Variants in AGAP1 observed in about 807,000 individuals in gnomAD.
The protein encoded by AGAP1 is arf-GAP with GTPase, ANK repeat and PH domain-containing protein 1.
A neutral mutation model predicts 105.3 loss-of-function variants in AGAP1; 29 were observed. The ratio of observed to expected loss-of-function variants is 0.28; its 90% confidence interval spans 0.21 to 0.38. The LOEUF (loss-of-function observed/expected upper bound fraction) is 0.38. Among genes scored for constraint, AGAP1 ranks in the 10% least tolerant of loss-of-function variants. The pLI is 1.00. For synonymous variants in AGAP1, 509 were observed against 485.9 expected (o/e 1.05, Z -0.63); for missense variants, 998 against 1,165.1 (o/e 0.86, Z 2.09).
Position 236,126,545 on chromosome 2 carries a change from T to G in AGAP1, c.*2423T>G, listed in dbSNP as rs889473610. 2 of 152,174 alleles carry G rather than the reference T, an allele frequency of 1.3e-5. No individual in the cohort carries two copies. The highest frequency in any genetic ancestry group is 2.9e-5 in the Non-Finnish European group (2 of 68,032). 9.4% of individuals were successfully genotyped at this position (152,174 alleles called of 1,614,324 possible). On this transcript the variant is annotated 3_prime_UTR_variant, in exon 18 of 18. Coordinates refer to ENST00000304032, the MANE Select transcript of AGAP1 (RefSeq NM_001037131.3). Reference sequence around the variant, plus strand: ...TATTCTATGTGTTTATAATATAATATTTTCCCAAATGACTTCTTGTTTCAC... The same window carrying G: ...TATTCTATGTGTTTATAATATAATAGTTTCCCAAATGACTTCTTGTTTCAC...
At chr2:235,892,152 CAAA>C (rs76856873) in intron 10 of AGAP1, among the ~76,000 whole-genome samples, 1 of 136,454 alleles carries the variant, frequency 7.3e-6, no homozygotes, top group Admixed American at 7.4e-5. Flanking sequence ...ACTCCCATCT[CAAA>C]AAAAAAAAAA....
rs71064869 is a variant in AGAP1 at position 235,682,797 on chromosome 2, C to CGT, written c.164-26361_164-26360dup. Among the ~76,000 whole-genome samples the CGT allele has an allele frequency of 9.1e-3, 1,364 of 149,500 alleles. 8 individuals carry two copies. Among genetic ancestry groups the CGT allele is most frequent in the Middle Eastern group, 0.014 (4 of 290 alleles). On this transcript the variant is annotated intron_variant, in intron 1 of 17. Transcript: ENST00000304032. ...AACTCGATGTGTGGGTGTGTGCACA[C>CGT]GTGTGTGTGTGTGTGTGTGTGTTTT... is the stretch of plus-strand genomic sequence containing the variant.
At chr2:235,671,185 G>C in intron 1 of AGAP1, 9 of 1,065,646 alleles carry the variant, frequency 8.4e-6, no homozygotes, top group Non-Finnish European at 1.1e-5. Context: ...ATGCGAACTC[G>C]GGTACTGCGG....
At chr2:235,911,766 C>T (rs1185329050) in intron 11 of AGAP1, among the ~76,000 whole-genome samples, 1 of 152,176 alleles carries the variant, frequency 6.6e-6, no homozygotes, top group African/African-American at 2.4e-5. Context: ...GATTGAAATC[C>T]CTTTTCCATG....
Position 235,751,862 on chromosome 2 carries a change from G to A in AGAP1, c.673+1374G>A, listed in dbSNP as rs577172173. 6.6e-6 allele frequency among the ~76,000 whole-genome samples: 1 copy of A among 152,162 alleles called. No individual in the cohort carries two copies. The highest frequency in any genetic ancestry group is 1.5e-5 in the Non-Finnish European group (1 of 68,030). ...GTCCCCTGAGGATCAGCACAAAGTC[G>A]CTGGGGTCCCACAGCCCCTTCTTCC... On this transcript the variant is annotated intron_variant, in intron 6 of 17. Coordinates refer to ENST00000304032, the MANE Select transcript of AGAP1 (RefSeq NM_001037131.3). This position sits in a 1 kb window ranked among gnomAD's most constrained non-coding sequence, Gnocchi z 5.3.
At chr2:235,588,516 A>G (rs1945209610) in intron 1 of AGAP1, among the ~76,000 whole-genome samples, 1 of 152,028 alleles carries the variant, frequency 6.6e-6, no homozygotes, top group Non-Finnish European at 1.5e-5. Flanking sequence ...GGCCTCTCAC[A>G]CTTAACCCCT....
At chr2:235,694,595 C>T (rs1949909127) in intron 1 of AGAP1, among the ~76,000 whole-genome samples, 1 of 151,946 alleles carries the variant, frequency 6.6e-6, no homozygotes, top group African/African-American at 2.4e-5. Context: ...TTGCAGTCAG[C>T]CGAGATCGCG....
intron 8 of AGAP1, among the ~76,000 whole-genome samples, chr2:235,803,839 G>A (rs1046390362): frequency 6.6e-6 from 1 of 151,944 alleles, no homozygotes; most frequent in African/African-American, 2.4e-5. Flanking sequence ...ATCAAACACT[G>A]AGTTATATTT....
At chr2:235,641,794 G>T (rs971788864) in intron 1 of AGAP1, among the ~76,000 whole-genome samples, 2 of 152,234 alleles carry the variant, frequency 1.3e-5, no homozygotes, top group African/African-American at 4.8e-5. Context: ...CACATTACCT[G>T]ATTCAGTATT....
In AGAP1 at chr2:235,824,805, G is replaced by A. The variant is rs564621346; in HGVS notation, c.1050+17474G>A. On this transcript the variant is annotated intron_variant, in intron 9 of 17. Transcript: ENST00000304032. This position sits in a 1 kb window ranked among gnomAD's most constrained non-coding sequence, Gnocchi z 5.2. ...CTAAAACACAACTGTGTTTTTCTCA[G>A]GCATATTGTTGTTTTATGTATACCC... 6.6e-6 allele frequency among the ~76,000 whole-genome samples: 1 copy of A among 152,234 alleles called. No individual in the cohort carries two copies. Among genetic ancestry groups the A allele is most frequent in the Non-Finnish European group, 1.5e-5 (1 of 68,024 alleles).
At chr2:235,634,035 T>G (rs1349634014) in intron 1 of AGAP1, among the ~76,000 whole-genome samples, 1 of 152,122 alleles carries the variant, frequency 6.6e-6, no homozygotes, top group East Asian at 1.9e-4. Flanking sequence ...GCCGCAGAGT[T>G]GCAGCCTGGT....
chr2:235,703,391 C>T (rs898553315), intron 1 of AGAP1, among the ~76,000 whole-genome samples: 7 of 152,062 alleles, frequency 4.6e-5, no homozygotes, highest in South Asian at 2.1e-4. Flanking sequence ...ACCTGGGCAA[C>T]GGGACATCAA....
At chr2:235,735,703 T>C (rs1469149236) in intron 3 of AGAP1, among the ~76,000 whole-genome samples, 2 of 152,186 alleles carry the variant, frequency 1.3e-5, no homozygotes, top group Non-Finnish European at 2.9e-5. Flanking sequence ...CTTTTCTCTC[T>C]GCAGTGTGGG....
intron 1 of AGAP1, among the ~76,000 whole-genome samples, chr2:235,624,558 A>G (rs1453484394): frequency 6.6e-6 from 1 of 152,102 alleles, no homozygotes; most frequent in African/African-American, 2.4e-5. Context: ...TTACTTAAAT[A>G]TTGCTTTTTC....
intron 9 of AGAP1, among the ~76,000 whole-genome samples, chr2:235,814,510 C>T (rs935028732): frequency 1.3e-5 from 2 of 152,198 alleles, no homozygotes; most frequent in Non-Finnish European, 2.9e-5. Flanking sequence ...CAATTGTTCA[C>T]TGGTCCTTGT....
chr2:236,007,465 C>T (rs908880143), intron 13 of AGAP1, among the ~76,000 whole-genome samples: 5 of 152,130 alleles, frequency 3.3e-5, no homozygotes, highest in Non-Finnish European at 5.9e-5. Flanking sequence ...GGCTGGTGGT[C>T]CAGCGATCAC....
In AGAP1 at chr2:235,893,655, A is replaced by T. The variant is rs1479381478; in HGVS notation, c.1155+10206A>T. Among the ~76,000 whole-genome samples the T allele has an allele frequency of 1.3e-5, 2 of 151,828 alleles. No homozygotes were observed. Among genetic ancestry groups the T allele is most frequent in the African/African-American group, 4.8e-5 (2 of 41,312 alleles). ...CTAGTGTACATCATTGCCTCGGGTGAGAATGTCCCTTTCTGCCCCATCTAG... is the reference window on the plus strand; with the variant it reads ...CTAGTGTACATCATTGCCTCGGGTGTGAATGTCCCTTTCTGCCCCATCTAG... On this transcript the variant is annotated intron_variant, in intron 10 of 17. Transcript: ENST00000304032. This position sits in a 1 kb window ranked among gnomAD's most constrained non-coding sequence, Gnocchi z 4.7.
chr2:235,667,490 A>G (rs889350837), intron 1 of AGAP1, among the ~76,000 whole-genome samples: 18 of 151,990 alleles, frequency 1.2e-4, no homozygotes, highest in African/African-American at 4.3e-4. Flanking sequence ...GTGACCCCCA[A>G]ACCCCAGATT....
intron 1 of AGAP1, among the ~76,000 whole-genome samples, chr2:235,704,889 GC>G (rs1051412650): frequency 5.1e-4 from 77 of 152,084 alleles, no homozygotes; most frequent in Middle Eastern, 6.9e-3. Flanking sequence ...GCAGTGGTCG[GC>G]GAGCCCGGCA....
Sources: allele counts gnomAD v4.1 joint callset (sites outside exome capture counted in the v4.1 genomes callset), GRCh38; gene constraint gnomAD v4.1.1; non-coding constraint Gnocchi (gnomAD v3.1); transcripts MANE v1.5; gene names NCBI Gene and HGNC (gene_info 2026-07-23, HGNC 2026-07-21).